The following ADAM28 variants were observed in gnomAD, a reference collection of about 807,000 sequenced individuals.
The protein encoded by ADAM28 is ADAM metallopeptidase domain 28.
A neutral mutation model predicts 101.2 loss-of-function variants in ADAM28; 105 were observed. The ratio of observed to expected loss-of-function variants is 1.04; its 90% CI spans 0.89 to 1.22. ADAM28 has a LOEUF of 1.22. Among genes scored for constraint, ADAM28 ranks in the 50% most tolerant of loss-of-function variants. The pLI is 0.00. For missense variants in ADAM28, 1,028 were observed against 945.4 expected (o/e 1.09, Z -1.15); for synonymous variants, 322 against 310.6 (o/e 1.04, Z -0.39).
chr8:24,322,450 A>T (rs1000536153), intron 8 of ADAM28, among the ~76,000 whole-genome samples: 1 of 152,040 alleles, frequency 6.6e-6, no homozygotes, highest in African/African-American at 2.4e-5. Flanking sequence ...AATTACTAAG[A>T]AGAGGAGCAT....
chr8:24,313,409 T>A lies in ADAM28; in HGVS notation c.405T>A (p.Asp135Glu), dbSNP rs780810182. The A allele has an allele frequency of 2.4e-5, 39 of 1,612,016 alleles. No individual in the cohort carries two copies. Among genetic ancestry groups the A allele is most frequent in the African/African-American group, 4.0e-5 (3 of 74,826 alleles). Residue 135 changes from aspartate to glutamate, a missense_variant, in exon 6 of 23, where the codon GAT becomes GAA. Coordinates refer to ENST00000265769, the MANE Select transcript of ADAM28 (RefSeq NM_014265.6). ...TCAGGGGCTACTTCAGTCAGGGGGA[T>A]CAAAGATACTTTATTGAACCTTTAA... ...RGLRGYFSQGDQRYFIEPLSP... is the reference protein window; with the variant it reads ...RGLRGYFSQGEQRYFIEPLSP...
At chr8:24,325,294 C>T (rs2129294031) in intron 9 of ADAM28, among the ~76,000 whole-genome samples, 1 of 151,898 alleles carries the variant, frequency 6.6e-6, no homozygotes, top group African/African-American at 2.4e-5. Flanking sequence ...GAATAGATTC[C>T]TTGAAGAGAT....
chr8:24,333,886 C>T (rs920175690), intron 13 of ADAM28, among the ~76,000 whole-genome samples: 1 of 152,144 alleles, frequency 6.6e-6, no homozygotes, highest in African/African-American at 2.4e-5. Context: ...AGATTGACTC[C>T]TAAGGCCAGA....
intron 6 of ADAM28, among the ~76,000 whole-genome samples, chr8:24,314,997 G>C (rs1810975409): frequency 6.7e-6 from 1 of 148,572 alleles, no homozygotes; most frequent in South Asian, 2.1e-4. Context: ...ACAGAAAAAT[G>C]ACCAAATCAC....
At chr8:24,307,324 G>C (rs1441389164) in intron 2 of ADAM28, among the ~76,000 whole-genome samples, 1 of 152,134 alleles carries the variant, frequency 6.6e-6, no homozygotes, top group Non-Finnish European at 1.5e-5. Flanking sequence ...ACTGTGCCCT[G>C]TGTTGTTTTA....
chr8:24,348,225 A>G (rs1815646080), intron 18 of ADAM28, among the ~76,000 whole-genome samples: 2 of 152,310 alleles, frequency 1.3e-5, no homozygotes, highest in Admixed American at 6.5e-5. Flanking sequence ...TTTTAAAAAA[A>G]TAAACTTAAC....
chr8:24,351,424 A>G lies in ADAM28; in HGVS notation c.2178+114A>G, dbSNP rs549335037. The stretch of plus-strand genomic sequence containing the variant: ...ACCCAGCAGCGTTTTGCAGTAACAC[A>G]TTCAGAAATGTCTCCTTTGCCTTTT... On this transcript the variant is annotated intron_variant, in intron 20 of 22. Transcript: ENST00000265769. 5.0e-5 allele frequency: 53 copies of G among 1,068,310 alleles called. No individual in the cohort carries two copies. In the East Asian group the frequency reaches 1.2e-3, roughly 25 times the overall value. 66.2% of individuals were successfully genotyped at this position (1,068,310 alleles called of 1,614,324 possible). A position where few individuals can be genotyped will look rare whatever the true frequency, so the allele number is the denominator to read the frequency against.
intron 19 of ADAM28, among the ~76,000 whole-genome samples, chr8:24,350,877 T>G (rs200261923): frequency 3.6e-5 from 5 of 139,156 alleles, no homozygotes; most frequent in Non-Finnish European, 6.2e-5. Flanking sequence ...TTTTTTTTTT[T>G]TTTTTTTTTT....
At position 24,354,952 on chromosome 8, in the gene ADAM28, T is replaced by A. The variant is rs1816577766; in HGVS notation, c.*548T>A. On this transcript the variant is annotated 3_prime_UTR_variant, in exon 23 of 23. Transcript: ENST00000265769. ...TGGTATAACTAAGAATTTAAAAATGTTTTATCATATATATTTGTATAATTA... is the reference window on the plus strand; with the variant it reads ...TGGTATAACTAAGAATTTAAAAATGATTTATCATATATATTTGTATAATTA... 6.6e-6 allele frequency: 1 copy of A among 152,600 alleles called. No individual in the cohort carries two copies. Among genetic ancestry groups the A allele is most frequent in the Non-Finnish European group, 1.5e-5 (1 of 68,040 alleles). 9.5% of individuals were successfully genotyped at this position (152,600 alleles called of 1,614,324 possible).
chr8:24,303,741 T>A (rs1307945455), intron 2 of ADAM28, among the ~76,000 whole-genome samples: 1 of 152,210 alleles, frequency 6.6e-6, no homozygotes, highest in African/African-American at 2.4e-5. Flanking sequence ...GCAGTATGGC[T>A]ATTTTCACAG....
intron 21 of ADAM28, among the ~76,000 whole-genome samples, chr8:24,352,599 T>C (rs1816296080): frequency 1.3e-5 from 2 of 152,176 alleles, no homozygotes; most frequent in South Asian, 4.1e-4. Flanking sequence ...TTCTGGGGAT[T>C]AGGGTTTCAA....
At chr8:24,295,317 G>A (rs1807815435) in intron 1 of ADAM28, among the ~76,000 whole-genome samples, 1 of 151,814 alleles carries the variant, frequency 6.6e-6, no homozygotes, top group Non-Finnish European at 1.5e-5. Context: ...AATGCCTTTT[G>A]CTTTGATACC....
intron 18 of ADAM28, among the ~76,000 whole-genome samples, chr8:24,345,816 G>A (rs7836162): frequency 0.077 from 11,648 of 151,940 alleles, 812 homozygotes; most frequent in African/African-American, 0.18. Flanking sequence ...ACAACTTTAC[G>A]GTATATTACA....
At chr8:24,334,825 C>A (rs1335592527) in intron 13 of ADAM28, among the ~76,000 whole-genome samples, 2 of 152,134 alleles carry the variant, frequency 1.3e-5, no homozygotes, top group African/African-American at 4.8e-5. Context: ...TTTCTCTGAG[C>A]AAATAAGAGT....
chr8:24,322,218 G>A (rs987302423), intron 8 of ADAM28, among the ~76,000 whole-genome samples: 4 of 151,932 alleles, frequency 2.6e-5, no homozygotes, highest in African/African-American at 4.8e-5. Flanking sequence ...TTGATTGGGG[G>A]AGAAATAAGA....
chr8:24,353,331 TAAG>T (rs1816391381), intron 21 of ADAM28, among the ~76,000 whole-genome samples: 1 of 152,088 alleles, frequency 6.6e-6, no homozygotes, highest in Non-Finnish European at 1.5e-5. Flanking sequence ...GCTCATGAAG[TAAG>T]AATTACAGTA....
At chr8:24,306,759 T>C (rs1171510324) in intron 2 of ADAM28, among the ~76,000 whole-genome samples, 2 of 152,186 alleles carry the variant, frequency 1.3e-5, no homozygotes, top group Admixed American at 1.3e-4. Context: ...TATCTGGCAA[T>C]CCTATCCTGT....
At chr8:24,307,749 A>G (rs1809889983) in intron 2 of ADAM28, among the ~76,000 whole-genome samples, 1 of 152,210 alleles carries the variant, frequency 6.6e-6, no homozygotes, top group South Asian at 2.1e-4. Context: ...CAGAGAATTC[A>G]GCATCCAGAT....
chr8:24,346,724 A>G (rs1049786914), intron 18 of ADAM28, among the ~76,000 whole-genome samples: 1 of 152,106 alleles, frequency 6.6e-6, no homozygotes, highest in African/African-American at 2.4e-5. Flanking sequence ...GTAATATAAT[A>G]AGGGCCAAGA....
Sources: gnomAD v4.1 joint callset for allele counts (sites outside exome capture counted in the v4.1 genomes callset) on GRCh38, gnomAD v4.1.1 for gene constraint, MANE v1.5 for transcripts, NCBI Gene and HGNC (gene_info 2026-07-23, HGNC 2026-07-21) for gene names.